FAM149A: variants seen among roughly 807,000 people sequenced by gnomAD.
FAM149A encodes protein FAM149A.
A neutral mutation model predicts 78.2 loss-of-function variants in FAM149A; 71 were observed. The ratio of observed to expected loss-of-function variants is 0.91; its 90% confidence interval spans 0.75 to 1.11. The LOEUF is 1.11. Among genes scored for constraint, FAM149A ranks in the 50% least tolerant of loss-of-function variants. The pLI is 0.00. For missense variants in FAM149A, 1,036 were observed against 971.0 expected (o/e 1.07, Z -0.89); for synonymous variants, 446 against 410.5 (o/e 1.09, Z -1.04).
At chr4:186,133,345 A>G (rs1043189781) in intron 1 of FAM149A, 2 of 260,970 alleles carry the variant, frequency 7.7e-6, no homozygotes, top group African/African-American at 4.6e-5. Flanking sequence ...ACCTGTTACC[A>G]GTAACTCCCC....
intron 1 of FAM149A, among the ~76,000 whole-genome samples, chr4:186,113,851 TG>T (rs1459995724): frequency 6.6e-6 from 1 of 151,862 alleles, no homozygotes; most frequent in South Asian, 2.1e-4. Context: ...GGTGTGGTGC[TG>T]AAAAAAATGT....
intron 4 of FAM149A, among the ~76,000 whole-genome samples, chr4:186,152,718 T>G (rs7696016): frequency 0.88 from 133,589 of 151,018 alleles, 59,166 homozygotes; most frequent in African/African-American, 0.93. Context: ...CTAATTTTTT[T>G]TATTTTTAGT....
intron 1 of FAM149A, chr4:186,117,908 C>T (rs2099314393): frequency 3.0e-6 from 3 of 985,092 alleles, no homozygotes; most frequent in Non-Finnish European, 3.6e-6. Flanking sequence ...GCTGAGGAAG[C>T]AAGAGGAAGG....
At chr4:186,120,889 T>C (rs2099315789) in intron 1 of FAM149A, among the ~76,000 whole-genome samples, 1 of 130,766 alleles carries the variant, frequency 7.6e-6, no homozygotes. Flanking sequence ...AGTCTCCCTC[T>C]GTTGTCCAGG....
At chr4:186,158,125 T>G in intron 8 of FAM149A, 1 of 1,303,614 alleles carries the variant, frequency 7.7e-7, no homozygotes, top group Non-Finnish European at 1.0e-6. Context: ...GGTCCCTGTC[T>G]TGCTCCAGGA....
At chr4:186,165,604 TC>T in intron 11 of FAM149A, 140 bp downstream of exon 11, 2 of 795,836 alleles carry the variant, frequency 2.5e-6, no homozygotes, top group Non-Finnish European at 3.9e-6. Context: ...ATAATCTGTT[TC>T]CAGAAAGTAA....
rs774620648 is a variant in FAM149A, at chr4:186,167,065, T to C, written c.2108T>C (p.Leu703Ser). The change falls in exon 12 of 14, where the codon TTG becomes TCG. Residue 703 changes from leucine to serine, a missense_variant. This residue lies in a region of FAM149A where 716 missense variants were observed against 711.8 expected (regional missense o/e 1.01). Transcript: ENST00000389354. ...GAAAGAACAGCCACCCTGGAACGGT[T>C]GTCAAGGCCCAGCACAACCCACACG... The C allele has an allele frequency of 4.3e-6, 7 of 1,614,080 alleles. No homozygotes were observed.
In FAM149A at chr4:186,105,276, GGCGGTCGCCCGCCCC is replaced by G. The variant is rs1165096644; in HGVS notation, c.203_217del (p.Arg68_Pro72del). On this transcript the variant is annotated inframe_deletion, in exon 1 of 14. Coordinates refer to ENST00000389354, the MANE Select transcript of FAM149A (RefSeq NM_001367768.3). ...GCTCCGGACTCCCCCTCCGCCTCGC[GGCGGTCGCCCGCCCC>G]GCTGCTCTCCTCCCCCTACTCCCGG... 8.4e-7 allele frequency: 1 copy of G among 1,193,942 alleles called. No homozygotes were observed. The highest frequency in any genetic ancestry group is 8.3e-5 in the East Asian group (1 of 12,020). The allele number at this position is 1,193,942 out of a possible 1,614,324, so 74.0% of individuals were successfully genotyped here.
intron 1 of FAM149A, among the ~76,000 whole-genome samples, chr4:186,135,377 G>A (rs929110970): frequency 2.0e-5 from 3 of 152,172 alleles, no homozygotes; most frequent in African/African-American, 7.2e-5. Context: ...ATACATATGA[G>A]TGGTGGTAGA....
rs376410104 is a variant in FAM149A, at chr4:186,157,699, T to C, written c.1555T>C (p.Ser519Pro). 1 of 1,612,280 alleles carries C rather than the reference T, an allele frequency of 6.2e-7. No homozygotes were observed. Among genetic ancestry groups the C allele is most frequent in the Non-Finnish European group, 8.5e-7 (1 of 1,179,038 alleles). The change falls in exon 8 of 14, where the codon TCT (serine) becomes CCT (proline). Residue 519 changes from serine (S) to proline (P), a missense_variant. Ser to Pro is a moderately conservative substitution (Grantham distance 74, BLOSUM62 -1). Transcript: ENST00000389354. The stretch of plus-strand genomic sequence containing the variant: ...CGAGGCTCACGGCATCTCCCTGGCT[T>C]CTCGTCTGAACCCGCCCCAGGTCGG...
chr4:186,125,333 C>A (rs533607110), intron 1 of FAM149A: 1 of 985,280 alleles, frequency 1.0e-6, no homozygotes, highest in Admixed American at 6.1e-5. Context: ...GAACACAGAG[C>A]CAGGATGCCT....
At chr4:186,127,344 A>T (rs2099318756) in intron 1 of FAM149A, 1 of 985,324 alleles carries the variant, frequency 1.0e-6, no homozygotes, top group Admixed American at 6.1e-5. Flanking sequence ...CACAGTAAAC[A>T]TCCTTCCAGT....
chr4:186,156,229 G>A, intron 7 of FAM149A, 39 bp downstream of exon 7: 1 of 1,568,988 alleles, frequency 6.4e-7, no homozygotes, highest in Non-Finnish European at 8.7e-7. Context: ...AAAAGAAAAA[G>A]TCCCTGTTCT....
rs1732831953 is a variant in FAM149A at position 186,144,649 on chromosome 4, CGGA to C, written c.567-4519_567-4517del. 4.3e-6 allele frequency: 1 copy of C among 231,368 alleles called. No homozygotes were observed. The highest frequency in any genetic ancestry group is 1.4e-4 in the South Asian group (1 of 7,138). The allele number at this position is 231,368 out of a possible 1,614,324, so 14.3% of individuals were successfully genotyped here. A position where few individuals can be genotyped will look rare whatever the true frequency, so the allele number is the denominator to read the frequency against. ...AGGAGTAGGGAGGCCGGGCCGTGCG[CGGA>C]GGAGTGGCCGCTGGGTTGGAAACCC... On this transcript the variant is annotated intron_variant, in intron 1 of 13. Transcript: ENST00000389354. This position sits in a 1 kb window ranked among gnomAD's most constrained non-coding sequence, Gnocchi z 4.2.
At chr4:186,161,599 A>G (rs190269894) in intron 8 of FAM149A, among the ~76,000 whole-genome samples, 7 of 152,368 alleles carry the variant, frequency 4.6e-5, no homozygotes, top group Admixed American at 3.9e-4. Flanking sequence ...GCCTTTAAAT[A>G]TCAGGCAAAA....
intron 7 of FAM149A, 79 bp from the exon 8 acceptor site, chr4:186,157,486 C>A: frequency 7.0e-7 from 1 of 1,438,582 alleles, no homozygotes; most frequent in South Asian, 1.2e-5. Flanking sequence ...CACACATATT[C>A]TCTTTCAAGA....
Position 186,160,780 on chromosome 4 carries a change from CCACACA to C in FAM149A, c.1576-2048_1576-2043del, listed in dbSNP as rs10537047. ...CACACACACACCACATCACACCACA[CCACACA>C]CACACACACACACACATCTCCCCAC... On this transcript the variant is annotated intron_variant, in intron 8 of 13. Coordinates refer to ENST00000389354, the MANE Select transcript of FAM149A (RefSeq NM_001367768.3). The C allele has an allele frequency of 3.3e-3, 3,046 of 922,334 alleles. 80 individuals carry two copies. The African/African-American group carries it at 0.051, about 15-fold the overall frequency. The allele number at this position is 922,334 out of a possible 1,614,324, so 57.1% of individuals were successfully genotyped here. A position where few individuals can be genotyped will look rare whatever the true frequency, so the allele number is the denominator to read the frequency against.
chr4:186,168,149 T>C (rs1735217385), intron 13 of FAM149A, among the ~76,000 whole-genome samples: 1 of 152,200 alleles, frequency 6.6e-6, no homozygotes, highest in Non-Finnish European at 1.5e-5. Context: ...TCAGCCCTCC[T>C]GTCGTCCTGT....
chr4:186,149,305 G>A (rs1237915563), intron 2 of FAM149A, 22 bp downstream of exon 2: 3 of 1,274,560 alleles, frequency 2.4e-6, no homozygotes, highest in East Asian at 5.6e-5. Context: ...CCTTGCTTCA[G>A]ATTACAAAAT....
Sources: gnomAD v4.1 joint callset for allele counts (sites outside exome capture counted in the v4.1 genomes callset) on GRCh38, gnomAD v4.1.1 for gene constraint, gnomAD v4.1.1 regional missense constraint, Gnocchi (gnomAD v3.1) non-coding constraint, MANE v1.5 for transcripts, NCBI Gene and HGNC (gene_info 2026-07-23, HGNC 2026-07-21) for gene names.